The following PARN variants were observed in gnomAD, a reference collection of about 807,000 sequenced individuals.
PARN encodes the protein poly(A)-specific ribonuclease.
A neutral mutation model predicts 102.8 loss-of-function variants in PARN; 71 were observed. The ratio of observed to expected loss-of-function variants is 0.69; its 90% CI spans 0.57 to 0.84. PARN has a LOEUF of 0.84. Among genes scored for constraint, PARN ranks in the 40% least tolerant of loss-of-function variants. PARN has a pLI of 0.00. For synonymous variants in PARN, 261 were observed against 252.9 expected (o/e 1.03, Z -0.30); for missense variants, 782 against 760.9 (o/e 1.03, Z -0.33).
intron 18 of PARN, among the ~76,000 whole-genome samples, chr16:14,565,424 CAAAG>C (rs1250018815): frequency 7.1e-6 from 1 of 140,128 alleles, no homozygotes; most frequent in Non-Finnish European, 1.6e-5. Flanking sequence ...AAAAAAAAAA[CAAAG>C]GAAGAAAAAA....
intron 21 of PARN, among the ~76,000 whole-genome samples, chr16:14,539,276 T>G (rs1289544672): frequency 6.6e-6 from 1 of 152,194 alleles, no homozygotes; most frequent in Non-Finnish European, 1.5e-5. Context: ...AATATGAAAC[T>G]TCGGTCTCCA....
At chr16:14,545,914 C>T (rs1966906014) in intron 21 of PARN, among the ~76,000 whole-genome samples, 1 of 151,864 alleles carries the variant, frequency 6.6e-6, no homozygotes. Flanking sequence ...GGTTCTAGCT[C>T]AAGAAACTGA....
chr16:14,630,134 G>C lies in PARN; in HGVS notation c.-9C>G. Reference sequence around the variant, plus strand: ...CTCCTGATTATCTCCATTCTGCAGAGTGGCCGGAACCTTGGCCCCACCCGG... The same window carrying C: ...CTCCTGATTATCTCCATTCTGCAGACTGGCCGGAACCTTGGCCCCACCCGG... On this transcript the variant is annotated 5_prime_UTR_variant, in exon 1 of 24. Coordinates refer to ENST00000437198, the MANE Select transcript of PARN (RefSeq NM_002582.4). The C allele has an allele frequency of 2.6e-6, 4 of 1,560,116 alleles. No homozygotes were observed. Among genetic ancestry groups the C allele is most frequent in the Non-Finnish European group, 3.5e-6 (4 of 1,151,184 alleles).
At chr16:14,622,630 G>A (rs59813409) in intron 5 of PARN, among the ~76,000 whole-genome samples, 4 of 152,164 alleles carry the variant, frequency 2.6e-5, no homozygotes, top group Admixed American at 2.0e-4. Context: ...TCAGCCTCCC[G>A]AGTAGCTGGG....
At chr16:14,456,438 T>C (rs1198797204) in intron 22 of PARN, among the ~76,000 whole-genome samples, 2 of 152,152 alleles carry the variant, frequency 1.3e-5, no homozygotes, top group Non-Finnish European at 2.9e-5. Context: ...TCCCCCAAAG[T>C]GCCGGTATTA....
chr16:14,553,947 T>C (rs1438988258), intron 20 of PARN, 118 bp downstream of exon 20: 3 of 668,256 alleles, frequency 4.5e-6, no homozygotes, highest in Non-Finnish European at 7.8e-6. Flanking sequence ...AGAGTGAAAT[T>C]AAAACCTTGA....
intron 21 of PARN, among the ~76,000 whole-genome samples, chr16:14,540,963 A>G (rs1259967205): frequency 6.6e-6 from 1 of 151,880 alleles, no homozygotes. Flanking sequence ...AAAAACAAAC[A>G]AAAAAATAGA....
chr16:14,582,303 A>T lies in PARN; in HGVS notation c.1082-12T>A. On this transcript the variant is annotated splice_polypyrimidine_tract_variant and intron_variant, in intron 16 of 23. Coordinates refer to ENST00000437198, the MANE Select transcript of PARN (RefSeq NM_002582.4). The stretch of plus-strand genomic sequence containing the variant: ...ACCTTCGGCACTTTCTAAGAAAAAA[A>T]AGGAAAAAGTTTTCCTCAAAACAAA... The T allele has an allele frequency of 6.3e-7, 1 of 1,588,430 alleles. No individual in the cohort carries two copies. Among genetic ancestry groups the T allele is most frequent in the Non-Finnish European group, 8.6e-7 (1 of 1,156,664 alleles).
At chr16:14,493,065 T>C (rs1964138645) in intron 21 of PARN, among the ~76,000 whole-genome samples, 1 of 152,172 alleles carries the variant, frequency 6.6e-6, no homozygotes, top group Admixed American at 6.5e-5. Context: ...TTGCTCTGCA[T>C]ATTCTCAAAC....
At chr16:14,584,544 G>T (rs1969728083) in intron 15 of PARN, 122 bp from the exon 16 acceptor site, 3 of 845,302 alleles carry the variant, frequency 3.5e-6, no homozygotes, top group Non-Finnish European at 3.7e-6. Context: ...GTTCTTTAAA[G>T]AAACACAGAA....
chr16:14,491,135 G>T lies in PARN; in HGVS notation c.1481-8308C>A, dbSNP rs1964037551. Among the ~76,000 whole-genome samples, 3 of 151,758 alleles carry T rather than the reference G, an allele frequency of 2.0e-5. No individual in the cohort carries two copies. The South Asian group carries it at 6.3e-4, about 32-fold the overall frequency. ...ATGCCCAAAGAAGTAAAAATGGGGA[G>T]GCAAGCCCAGAAAATGACAGCCTTC... On this transcript the variant is annotated intron_variant, in intron 21 of 23. Coordinates refer to ENST00000437198, the MANE Select transcript of PARN (RefSeq NM_002582.4).
At chr16:14,603,483 T>C (rs1971000190) in intron 11 of PARN, among the ~76,000 whole-genome samples, 1 of 152,108 alleles carries the variant, frequency 6.6e-6, no homozygotes, top group Non-Finnish European at 1.5e-5. Context: ...TCCAAGTGAA[T>C]GGAGTGCAGT....
chr16:14,560,847 A>G (rs1288012986), intron 18 of PARN, among the ~76,000 whole-genome samples: 1 of 152,230 alleles, frequency 6.6e-6, no homozygotes, highest in African/African-American at 2.4e-5. Context: ...GCCACCCTCC[A>G]AACTTTTTTG....
chr16:14,464,665 G>A (rs1962214772), intron 22 of PARN, among the ~76,000 whole-genome samples: 2 of 152,056 alleles, frequency 1.3e-5, no homozygotes, highest in Non-Finnish European at 2.9e-5. Context: ...CTGAGGCAAG[G>A]GAATTGCTTG....
At chr16:14,531,408 C>T (rs1966323089) in intron 21 of PARN, among the ~76,000 whole-genome samples, 1 of 151,602 alleles carries the variant, frequency 6.6e-6, no homozygotes, top group Non-Finnish European at 1.5e-5. Flanking sequence ...TCCTTTTTCA[C>T]AATCTGTTTG....
At chr16:14,625,521 TATAA>T (rs1972593519) in intron 5 of PARN, among the ~76,000 whole-genome samples, 1 of 152,094 alleles carries the variant, frequency 6.6e-6, no homozygotes, top group Admixed American at 6.6e-5. Context: ...AAAGAAAATT[TATAA>T]ATACTCTTTA....
At chr16:14,470,715 TTC>T in intron 22 of PARN, among the ~76,000 whole-genome samples, 1 of 152,136 alleles carries the variant, frequency 6.6e-6, no homozygotes, top group South Asian at 2.1e-4. Flanking sequence ...CATCTCAGCA[TTC>T]CAAAGGGCTG....
intron 12 of PARN, among the ~76,000 whole-genome samples, chr16:14,598,975 A>C (rs1020350618): frequency 2.0e-5 from 3 of 152,010 alleles, no homozygotes; most frequent in African/African-American, 7.3e-5. Context: ...TGTCTAGAAC[A>C]ACCAGCAGCA....
intron 21 of PARN, among the ~76,000 whole-genome samples, chr16:14,528,782 G>T (rs1418558288): frequency 6.6e-6 from 1 of 152,050 alleles, no homozygotes; most frequent in Non-Finnish European, 1.5e-5. Context: ...AAACACCACC[G>T]ATTTTATTTC....
Sources: allele counts gnomAD v4.1 joint callset (sites outside exome capture counted in the v4.1 genomes callset), GRCh38; gene constraint gnomAD v4.1.1; transcripts MANE v1.5; gene names NCBI Gene and HGNC (gene_info 2026-07-23, HGNC 2026-07-21).